The following CA5B variants were observed in gnomAD, a reference collection of about 807,000 sequenced individuals.
The protein encoded by CA5B is carbonic anhydrase 5B, mitochondrial.
In CA5B, 15 loss-of-function variants were observed where a neutral mutation model predicts 23.1. The ratio of observed to expected loss-of-function variants is 0.65; its 90% CI spans 0.43 to 1.00. CA5B has a LOEUF of 1.00. Among genes scored for constraint, CA5B ranks in the 50% least tolerant of loss-of-function variants. The probability of loss-of-function intolerance (pLI) is 0.00; values close to 1 mark genes in which losing one functional copy is unlikely to be tolerated. For missense variants in CA5B, 236 were observed against 252.2 expected (o/e 0.94, Z 0.43); for synonymous variants, 84 against 98.5 (o/e 0.85, Z 0.87).
intron 3 of CA5B, chrX:15,769,598 A>G (rs1931779920): frequency 2.7e-6 from 2 of 753,550 alleles, no homozygotes; most frequent in Non-Finnish European, 3.1e-6. Context: ...GTGCCAGTGA[A>G]CCTAGTAAGA....
chrX:15,772,472 G>A (rs1931838733), intron 3 of CA5B, 24 bp from the exon 4 acceptor site: 1 of 1,056,128 alleles, frequency 9.5e-7, no homozygotes, highest in African/African-American at 1.8e-5. Flanking sequence ...ACTCTTCCCT[G>A]AATTGTTGGA....
chrX:15,779,765 T>C (rs2147269467), intron 7 of CA5B, among the ~76,000 whole-genome samples: 1 of 111,398 alleles, frequency 9.0e-6, no homozygotes, highest in South Asian at 3.8e-4. Context: ...TGTATAGGCT[T>C]TGTGGCCTAT....
At chrX:15,766,011 G>A (rs1322015585) in intron 3 of CA5B, among the ~76,000 whole-genome samples, 1 of 108,549 alleles carries the variant, frequency 9.2e-6, no homozygotes, top group Admixed American at 1.0e-4. Context: ...CAAAGCATTA[G>A]CCGGGTGTGG....
intron 2 of CA5B, among the ~76,000 whole-genome samples, chrX:15,756,811 T>G (rs760915666): frequency 1.8e-5 from 2 of 111,282 alleles, no homozygotes; most frequent in South Asian, 7.6e-4. Context: ...TCCCAGCACT[T>G]TGGGAGGCCA....
At chrX:15,767,568 AT>A (rs1241162323) in intron 3 of CA5B, among the ~76,000 whole-genome samples, 3 of 108,172 alleles carry the variant, frequency 2.8e-5, no homozygotes, top group Middle Eastern at 4.7e-3. Context: ...CGCTCGGCTA[AT>A]TTTTTTGTTT....
chrX:15,768,240 T>C (rs1442342453), intron 3 of CA5B, among the ~76,000 whole-genome samples: 1 of 110,879 alleles, frequency 9.0e-6, no homozygotes, highest in Non-Finnish European at 1.9e-5. Flanking sequence ...GTTCCTGAGA[T>C]CAAGTGATCC....
At chrX:15,765,801 G>T (rs1173030346) in intron 3 of CA5B, among the ~76,000 whole-genome samples, 1 of 110,505 alleles carries the variant, frequency 9.0e-6, no homozygotes, top group Non-Finnish European at 1.9e-5. Flanking sequence ...AGCTGAAGCG[G>T]AGAAATCTTG....
At chrX:15,750,269 G>A in intron 2 of CA5B, 104 bp downstream of exon 2, 1 of 621,842 alleles carries the variant, frequency 1.6e-6, no homozygotes, top group Admixed American at 3.3e-5. Flanking sequence ...GAGGGAGCAA[G>A]TGTGCAAGAG....
chrX:15,749,955 G>T lies in CA5B; in HGVS notation c.-53-16G>T. 3 of 1,162,213 alleles carry T rather than the reference G, an allele frequency of 2.6e-6. No homozygotes were observed. Among genetic ancestry groups the T allele is most frequent in the South Asian group, 1.9e-5 (1 of 52,671 alleles). Reference sequence around the variant, plus strand: ...TGTTGTTTACAGCTTTCCCTCCTCTGCCCTCATCCCTCTAGATTATTAAGT... The same window carrying T: ...TGTTGTTTACAGCTTTCCCTCCTCTTCCCTCATCCCTCTAGATTATTAAGT... On this transcript the variant is annotated splice_polypyrimidine_tract_variant and intron_variant, in intron 1 of 7. Coordinates refer to ENST00000318636, the MANE Select transcript of CA5B (RefSeq NM_007220.4).
intron 1 of CA5B, among the ~76,000 whole-genome samples, chrX:15,743,053 T>C (rs1324224652): frequency 1.8e-5 from 2 of 112,406 alleles, no homozygotes; most frequent in Non-Finnish European, 1.9e-5. Flanking sequence ...TGTCATCCAT[T>C]ACCTGTGAAC....
intron 2 of CA5B, among the ~76,000 whole-genome samples, chrX:15,752,152 T>C (rs1021421980): frequency 4.5e-5 from 5 of 110,479 alleles, no homozygotes; most frequent in Admixed American, 9.7e-5. Context: ...AATCAATACA[T>C]GTAAGGTATA....
At chrX:15,747,100 A>G (rs970564737) in intron 1 of CA5B, among the ~76,000 whole-genome samples, 3 of 111,797 alleles carry the variant, frequency 2.7e-5, no homozygotes, top group East Asian at 5.6e-4. Context: ...CATGAACTGA[A>G]TTCTTTCCCA....
At chrX:15,757,012 G>A (rs1391630771) in intron 2 of CA5B, among the ~76,000 whole-genome samples, 28 of 102,444 alleles carry the variant, frequency 2.7e-4, no homozygotes, top group Non-Finnish European at 4.6e-4. Context: ...CCGAGATCGC[G>A]CCACTGCTCT....
chrX:15,775,343 C>T, intron 6 of CA5B, 35 bp downstream of exon 6: 1 of 1,169,288 alleles, frequency 8.6e-7, no homozygotes, highest in Non-Finnish European at 1.1e-6. Context: ...TTGAAATATA[C>T]TTTTATGTTT....
Position 15,776,809 on chromosome X carries a change from C to T in CA5B, c.714C>T (p.Pro238=), listed in dbSNP as rs770660438. The T allele has an allele frequency of 1.5e-5, 18 of 1,207,439 alleles. No individual in the cohort carries two copies. The African/African-American group carries it at 3.1e-4, about 21-fold the overall frequency. Residue 238 remains proline (P), a synonymous_variant, in exon 7 of 8, where the codon CCC becomes CCT. Transcript: ENST00000318636. The stretch of plus-strand genomic sequence containing the variant: ...ACTCAGGGTCTCTGACTACCCCACC[C>T]CTCTCCGAGTCTGTCACCTGGATCA... ...WTYSGSLTTP[P]LSESVTWIIK...
chrX:15,744,139 G>A (rs946945663), intron 1 of CA5B, among the ~76,000 whole-genome samples: 1 of 112,701 alleles, frequency 8.9e-6, no homozygotes, highest in Non-Finnish European at 1.9e-5. Context: ...TAGGCCAGGC[G>A]TCATTGGCCT....
At chrX:15,753,514 A>G (rs1931422953) in intron 2 of CA5B, among the ~76,000 whole-genome samples, 1 of 112,548 alleles carries the variant, frequency 8.9e-6, no homozygotes, top group Admixed American at 9.4e-5. Context: ...CTCCTGGATC[A>G]GGAAAAGACC....
chrX:15,772,606 C>G lies in CA5B; in HGVS notation c.451C>G (p.Pro151Ala). 8.7e-7 allele frequency: 1 copy of G among 1,154,938 alleles called. No homozygotes were observed. Among genetic ancestry groups the G allele is most frequent in the Non-Finnish European group, 1.2e-6 (1 of 847,116 alleles). Residue 151 changes from proline to alanine, a missense_variant, in exon 4 of 8, where the codon CCA becomes GCA. Pro to Ala is a conservative substitution (Grantham distance 27). This residue lies in a region of CA5B where 170 missense variants were observed against 162.0 expected (regional missense o/e 1.05). Transcript: ENST00000318636. ...SEHTVDSKCF[P>A]AELHLVHWNA... ...GCACACCGTGGACAGCAAATGCTTC[C>G]CAGCAGAGGTATGTTGAGAAGGTCA...
chrX:15,738,764 G>A (rs916659552), intron 1 of CA5B, among the ~76,000 whole-genome samples: 4 of 111,096 alleles, frequency 3.6e-5, no homozygotes, highest in Non-Finnish European at 7.6e-5. Context: ...ACGGGGGTAA[G>A]GGCGACAAAT....
Sources: gnomAD v4.1 joint callset for allele counts (sites outside exome capture counted in the v4.1 genomes callset) on GRCh38, gnomAD v4.1.1 for gene constraint, gnomAD v4.1.1 regional missense constraint, MANE v1.5 for transcripts, NCBI Gene and HGNC (gene_info 2026-07-23, HGNC 2026-07-21) for gene names.